PRKCA: variants seen among roughly 807,000 people sequenced by gnomAD.
PRKCA encodes protein kinase C alpha type.
PRKCA carries 27 observed loss-of-function variants against 87.0 expected under a neutral mutation model. That is an observed-to-expected ratio of 0.31 (90% confidence interval 0.23 to 0.43). The LOEUF (loss-of-function observed/expected upper bound fraction) is 0.43. Among genes scored for constraint, PRKCA ranks in the 20% least tolerant of loss-of-function variants. PRKCA has a pLI of 1.00. For synonymous variants in PRKCA, 329 were observed against 311.1 expected (o/e 1.06, Z -0.61); for missense variants, 518 against 852.3 (o/e 0.61, Z 4.88).
chr17:66,344,847 C>A lies in PRKCA; in HGVS notation c.205+38720C>A, dbSNP rs182905596. ...CTTGCGCGATCTCGGCTCACTGCAA[C>A]TTCCACCTCCTGGGTTCGAGTGATT... is the stretch of plus-strand genomic sequence containing the variant. On this transcript the variant is annotated intron_variant, in intron 2 of 16. Coordinates refer to ENST00000413366, the MANE Select transcript of PRKCA (RefSeq NM_002737.3). 4.6e-4 allele frequency among the ~76,000 whole-genome samples: 70 copies of A among 152,320 alleles called. 1 individual carries two copies. The East Asian group carries it at 0.012, about 26-fold the overall frequency.
intron 2 of PRKCA, among the ~76,000 whole-genome samples, chr17:66,351,054 T>C (rs1415902321): frequency 6.6e-6 from 1 of 152,244 alleles, no homozygotes; most frequent in African/African-American, 2.4e-5. Context: ...AAAGTGTGAA[T>C]GTTTGATGGA....
chr17:66,668,381 A>C (rs1315000203), intron 5 of PRKCA, among the ~76,000 whole-genome samples: 2 of 152,214 alleles, frequency 1.3e-5, no homozygotes, highest in Non-Finnish European at 2.9e-5. Flanking sequence ...GGGTCAGGGG[A>C]TTCTAACTTT....
chr17:66,605,660 C>G (rs1429542691), intron 3 of PRKCA, among the ~76,000 whole-genome samples: 1 of 152,192 alleles, frequency 6.6e-6, no homozygotes, highest in African/African-American at 2.4e-5. Flanking sequence ...GTCATAGCAG[C>G]ATCATTCATA....
chr17:66,763,260 T>C (rs1974724913), intron 13 of PRKCA, among the ~76,000 whole-genome samples: 1 of 152,170 alleles, frequency 6.6e-6, no homozygotes, highest in Non-Finnish European at 1.5e-5. Context: ...GTCCTGGTGC[T>C]GGGTACAGAA....
chr17:66,705,946 G>A (rs1380982143), intron 8 of PRKCA, among the ~76,000 whole-genome samples: 2 of 152,174 alleles, frequency 1.3e-5, no homozygotes, highest in African/African-American at 4.8e-5. Flanking sequence ...AATTAAGATT[G>A]CCTGTCCCTG....
rs1976120141 is a variant in PRKCA, at chr17:66,809,619, C to G, written c.*5582C>G. 6.6e-6 allele frequency: 1 copy of G among 152,140 alleles called. No individual in the cohort carries two copies. 9.4% of individuals were successfully genotyped at this position (152,140 alleles called of 1,614,324 possible). On this transcript the variant is annotated 3_prime_UTR_variant, in exon 17 of 17. Coordinates refer to ENST00000413366, the MANE Select transcript of PRKCA (RefSeq NM_002737.3). Reference sequence around the variant, plus strand: ...CACCCCCGACCTGATCTCCCACTGCCAGATTTTCCCATGCTCCTAGGGTAT... The same window carrying G: ...CACCCCCGACCTGATCTCCCACTGCGAGATTTTCCCATGCTCCTAGGGTAT...
At chr17:66,688,568 C>A in intron 7 of PRKCA, 132 bp downstream of exon 7, 1 of 1,192,658 alleles carries the variant, frequency 8.4e-7, no homozygotes, top group Non-Finnish European at 1.2e-6. Context: ...TTCAAGAGGC[C>A]GAGGCAGGTG....
intron 3 of PRKCA, among the ~76,000 whole-genome samples, chr17:66,595,479 TGAGACA>T (rs1969946863): frequency 7.2e-6 from 1 of 139,042 alleles, no homozygotes; most frequent in Non-Finnish European, 1.5e-5. Flanking sequence ...TTTTTTTTTT[TGAGACA>T]GTCTTGCTCT....
chr17:66,794,327 C>T, intron 16 of PRKCA, among the ~76,000 whole-genome samples: 1 of 152,188 alleles, frequency 6.6e-6, no homozygotes, highest in East Asian at 1.9e-4. Context: ...TTGAGGACAT[C>T]CCTGTAGTGA....
intron 3 of PRKCA, among the ~76,000 whole-genome samples, chr17:66,614,457 A>G (rs1970462827): frequency 6.6e-6 from 1 of 152,198 alleles, no homozygotes; most frequent in Admixed American, 6.5e-5. Context: ...GGTTCCTCAT[A>G]TAATTGCAAT....
intron 5 of PRKCA, among the ~76,000 whole-genome samples, chr17:66,668,396 G>T (rs545671851): frequency 3.9e-5 from 6 of 152,170 alleles, no homozygotes; most frequent in East Asian, 1.9e-4. Flanking sequence ...AACTTTAAAC[G>T]GACTTCACAG....
At chr17:66,756,773 G>A (rs9893590) in intron 13 of PRKCA, among the ~76,000 whole-genome samples, 111 of 151,738 alleles carry the variant, frequency 7.3e-4, no homozygotes, top group Non-Finnish European at 1.4e-3. Flanking sequence ...GCGAGTCTCC[G>A]GCCTCAGCTT....
chr17:66,731,020 G>A (rs1243526194), intron 8 of PRKCA, among the ~76,000 whole-genome samples: 1 of 152,172 alleles, frequency 6.6e-6, no homozygotes. Flanking sequence ...GAGCTCCAGA[G>A]CTAAGGTCTG....
chr17:66,377,716 TATATA>T (rs1426009571), intron 2 of PRKCA, among the ~76,000 whole-genome samples: 3 of 66,344 alleles, frequency 4.5e-5, no homozygotes, highest in Middle Eastern at 6.3e-3. Context: ...TATATATATA[TATATA>T]TTTTTTTTTT....
chr17:66,734,329 T>C (rs1331884339), intron 9 of PRKCA, among the ~76,000 whole-genome samples: 1 of 152,208 alleles, frequency 6.6e-6, no homozygotes, highest in Non-Finnish European at 1.5e-5. Flanking sequence ...AGGTATTTCT[T>C]GATCGTATGC....
chr17:66,385,354 A>G (rs1169888677), intron 2 of PRKCA, among the ~76,000 whole-genome samples: 1 of 152,226 alleles, frequency 6.6e-6, no homozygotes, highest in East Asian at 1.9e-4. Context: ...TGTCATTTTC[A>G]TGGGAATCAA....
At chr17:66,504,807 G>T (rs1334150307) in intron 3 of PRKCA, among the ~76,000 whole-genome samples, 1 of 152,150 alleles carries the variant, frequency 6.6e-6, no homozygotes, top group African/African-American at 2.4e-5. Context: ...TGTTGCTCAT[G>T]TTGGCCCATG....
chr17:66,681,210 C>CA (rs1420382946), intron 5 of PRKCA, among the ~76,000 whole-genome samples: 2 of 152,128 alleles, frequency 1.3e-5, no homozygotes, highest in African/African-American at 4.8e-5. Flanking sequence ...GCCTGGGTGA[C>CA]AGAGGGAGAC....
intron 15 of PRKCA, among the ~76,000 whole-genome samples, chr17:66,788,094 T>C (rs1975444249): frequency 6.6e-6 from 1 of 152,232 alleles, no homozygotes; most frequent in Admixed American, 6.5e-5. Context: ...GGTCATGACT[T>C]GTCTAGTTTT....
Sources: gnomAD v4.1 joint callset for allele counts (sites outside exome capture counted in the v4.1 genomes callset) on GRCh38, gnomAD v4.1.1 for gene constraint, MANE v1.5 for transcripts, NCBI Gene and HGNC (gene_info 2026-07-23, HGNC 2026-07-21) for gene names.